The following CTNNB1 variants were observed in gnomAD, a reference collection of about 807,000 sequenced individuals.
The protein encoded by CTNNB1 is catenin beta 1.
Under a neutral mutation model 82.5 loss-of-function variants are expected in CTNNB1, and 6 were observed. The ratio of observed to expected loss-of-function variants is 0.07; its 90% confidence interval spans 0.04 to 0.14. The LOEUF (loss-of-function observed/expected upper bound fraction) is 0.14, where lower values mean the gene tolerates loss of function less well. CTNNB1 is among the 10% of genes least tolerant of loss of function. CTNNB1 has a pLI of 1.00. For synonymous variants in CTNNB1, 312 were observed against 329.7 expected (o/e 0.95, Z 0.58); for missense variants, 529 against 980.4 (o/e 0.54, Z 6.15).
intron 1 of CTNNB1, among the ~76,000 whole-genome samples, chr3:41,219,939 T>C (rs1174543197): frequency 6.6e-6 from 1 of 152,166 alleles, no homozygotes; most frequent in African/African-American, 2.4e-5. Context: ...ACAATCCAGA[T>C]GATAATATTT....
intron 1 of CTNNB1, chr3:41,210,970 T>C: frequency 4.4e-6 from 2 of 451,410 alleles, no homozygotes; most frequent in Non-Finnish European, 8.9e-6. Context: ...AAAAAAAATT[T>C]TTTGTAGAGA....
Position 41,225,609 on chromosome 3 carries a change from T to A in CTNNB1, c.734+37T>A, listed in dbSNP as rs1252238529. Reference sequence around the variant, plus strand: ...TGTCAGAATGCTTGAAGCTAAAAAGTAGAAGAGTATACTCACAATATTTCT... The same window carrying A: ...TGTCAGAATGCTTGAAGCTAAAAAGAAGAAGAGTATACTCACAATATTTCT... On this transcript the variant is annotated intron_variant, in intron 5 of 14. Coordinates refer to ENST00000349496, the MANE Select transcript of CTNNB1 (RefSeq NM_001904.4). The surrounding 1 kb of genome is among the most constrained non-coding windows in gnomAD (Gnocchi z 5.3). 1.2e-6 allele frequency: 2 copies of A among 1,613,748 alleles called. No individual in the cohort carries two copies. Among genetic ancestry groups the A allele is most frequent in the Middle Eastern group, 1.6e-4 (1 of 6,062 alleles).
chr3:41,224,668 T>C lies in CTNNB1; in HGVS notation c.156T>C (p.Pro52=), dbSNP rs2078132958. 1.7e-5 allele frequency: 28 copies of C among 1,614,006 alleles called. No individual in the cohort carries two copies. The highest frequency in any genetic ancestry group is 2.2e-5 in the Non-Finnish European group (26 of 1,179,962). ...CTTCTCTGAGTGGTAAAGGCAATCCTGAGGAAGAGGATGTGGATACCTCCC... is the reference window on the plus strand; with the variant it reads ...CTTCTCTGAGTGGTAAAGGCAATCCCGAGGAAGAGGATGTGGATACCTCCC... The part of the protein sequence containing the change: ...TAPSLSGKGN[P]EEEDVDTSQV... The change falls in exon 3 of 15, where the codon CCT becomes CCC. Residue 52 remains proline (P), a synonymous_variant. Coordinates refer to ENST00000349496, the MANE Select transcript of CTNNB1 (RefSeq NM_001904.4).
At chr3:41,217,353 C>T (rs1272016958) in intron 1 of CTNNB1, among the ~76,000 whole-genome samples, 2 of 152,150 alleles carry the variant, frequency 1.3e-5, no homozygotes, top group South Asian at 2.1e-4. Flanking sequence ...GCTTAATTCC[C>T]TAACAGTAGA....
At position 41,224,061 on chromosome 3, in the gene CTNNB1, C is replaced by T. The variant is rs1029597775; in HGVS notation, c.-8C>T. 3.1e-6 allele frequency: 5 copies of T among 1,613,512 alleles called. No individual in the cohort carries two copies. The highest frequency in any genetic ancestry group is 2.2e-5 in the East Asian group (1 of 44,886). ...CCATACAACTGTTTTGAAAATCCAG[C>T]GTGGACAATGGCTACTCAAGGTTTG... On this transcript the variant is annotated 5_prime_UTR_variant, in exon 2 of 15. Coordinates refer to ENST00000349496, the MANE Select transcript of CTNNB1 (RefSeq NM_001904.4).
At chr3:41,219,019 T>G (rs1023675310) in intron 1 of CTNNB1, among the ~76,000 whole-genome samples, 1 of 152,238 alleles carries the variant, frequency 6.6e-6, no homozygotes, top group African/African-American at 2.4e-5. Context: ...TTAATTGGTA[T>G]AAAATTATAT....
At chr3:41,207,439 CT>C (rs1045055363) in intron 1 of CTNNB1, among the ~76,000 whole-genome samples, 2 of 152,112 alleles carry the variant, frequency 1.3e-5, no homozygotes, top group Non-Finnish European at 2.9e-5. Flanking sequence ...TGTTTAATAC[CT>C]TCCCTTTTCT....
intron 1 of CTNNB1, among the ~76,000 whole-genome samples, chr3:41,212,652 AC>A (rs1049851417): frequency 6.6e-6 from 1 of 152,298 alleles, no homozygotes; most frequent in South Asian, 2.1e-4. Flanking sequence ...GCAACCAGCT[AC>A]CCATGCCTAT....
chr3:41,235,985 G>A, intron 11 of CTNNB1, 142 bp downstream of exon 11: 1 of 1,077,100 alleles, frequency 9.3e-7, no homozygotes, highest in Non-Finnish European at 1.4e-6. Flanking sequence ...TTTTTGGTCA[G>A]TAAGAGAAAC....
At chr3:41,230,733 C>G (rs755020723) in intron 7 of CTNNB1, among the ~76,000 whole-genome samples, 1 of 152,118 alleles carries the variant, frequency 6.6e-6, no homozygotes, top group African/African-American at 2.4e-5. Flanking sequence ...GGAACCGTCT[C>G]TTGTCTATAT....
Position 41,239,146 on chromosome 3 carries a change from G to A in CTNNB1, c.2150G>A (p.Arg717His), listed in dbSNP as rs753246841. The change falls in exon 15 of 15, where the codon CGT becomes CAT. Residue 717 changes from arginine (R) to histidine (H), a missense_variant. Transcript: ENST00000349496. ...CTGACTCTTCTAGATCCTAGCTATC[G>A]TTCTTTTCACTCTGGTGGATATGGC... is the stretch of plus-strand genomic sequence containing the variant. ...LGYRQDDPSYRSFHSGGYGQD... is the reference protein window; with the variant it reads ...LGYRQDDPSYHSFHSGGYGQD... 46 of 1,613,814 alleles carry A rather than the reference G, an allele frequency of 2.9e-5. No homozygotes were observed. The Admixed American group carries it at 4.0e-4, about 14-fold the overall frequency.
intron 1 of CTNNB1, among the ~76,000 whole-genome samples, chr3:41,208,617 T>C (rs2077703800): frequency 6.6e-6 from 1 of 152,240 alleles, no homozygotes. Context: ...TACTGAATTA[T>C]AATCACTTTC....
At chr3:41,237,096 AT>A (rs1412528076) in intron 13 of CTNNB1, 10 of 329,942 alleles carry the variant, frequency 3.0e-5, no homozygotes, top group Admixed American at 4.7e-5. Flanking sequence ...TCTGCTATGA[AT>A]TTTTCTTCAG....
intron 3 of CTNNB1, 93 bp downstream of exon 3, chr3:41,224,846 T>C (rs1166908760): frequency 1.3e-6 from 2 of 1,597,728 alleles, no homozygotes; most frequent in Non-Finnish European, 1.7e-6. Flanking sequence ...TAAAATGTTG[T>C]GGTGAAGAAA....
intron 1 of CTNNB1, among the ~76,000 whole-genome samples, chr3:41,204,914 C>CT (rs1329415040): frequency 2.6e-5 from 4 of 152,060 alleles, no homozygotes; most frequent in Non-Finnish European, 4.4e-5. Flanking sequence ...TGGGAAATGC[C>CT]TTGTGTCAAT....
intron 12 of CTNNB1, 44 bp downstream of exon 12, chr3:41,236,543 A>C (rs1464547533): frequency 6.2e-7 from 1 of 1,614,210 alleles, no homozygotes; most frequent in Admixed American, 1.7e-5. Context: ...GTGTACATTG[A>C]AGTCTCAGTT....
At chr3:41,215,116 G>A (rs1286065996) in intron 1 of CTNNB1, among the ~76,000 whole-genome samples, 2 of 150,902 alleles carry the variant, frequency 1.3e-5, no homozygotes, top group Admixed American at 6.6e-5. Context: ...AGTGGCTCAC[G>A]CCTGTAATCC....
intron 1 of CTNNB1, among the ~76,000 whole-genome samples, chr3:41,218,075 C>T (rs1036578922): frequency 3.3e-5 from 5 of 151,918 alleles, no homozygotes; most frequent in African/African-American, 9.7e-5. Flanking sequence ...AATATATACC[C>T]GTATTTTATC....
At chr3:41,216,943 T>C (rs946418535) in intron 1 of CTNNB1, among the ~76,000 whole-genome samples, 2 of 152,226 alleles carry the variant, frequency 1.3e-5, no homozygotes, top group African/African-American at 4.8e-5. Flanking sequence ...GTTTCTACTT[T>C]GCTATTGCCC....
Sources: gnomAD v4.1 joint callset for allele counts (sites outside exome capture counted in the v4.1 genomes callset) on GRCh38, gnomAD v4.1.1 for gene constraint, Gnocchi (gnomAD v3.1) non-coding constraint, MANE v1.5 for transcripts, NCBI Gene and HGNC (gene_info 2026-07-23, HGNC 2026-07-21) for gene names.